The following GMCL1 variants were observed in gnomAD, a reference collection of about 807,000 sequenced individuals.
GMCL1 encodes germ cell-less 1, spermatogenesis associated.
A neutral mutation model predicts 75.5 loss-of-function variants in GMCL1; 54 were observed. That is an observed-to-expected ratio of 0.71 (90% confidence interval 0.57 to 0.90). GMCL1 has a LOEUF of 0.90. Among genes scored for constraint, GMCL1 ranks in the 40% least tolerant of loss-of-function variants. The probability of loss-of-function intolerance (pLI) is 0.00; values close to 1 mark genes in which losing one functional copy is unlikely to be tolerated. For synonymous variants in GMCL1, 210 were observed against 209.6 expected (o/e 1.00, Z -0.02); for missense variants, 537 against 622.7 (o/e 0.86, Z 1.47).
rs186019166 is a variant in GMCL1 at position 69,866,183 on chromosome 2, C to T, written c.1218+1208C>T. ...AGATTGCTTGAACTCGTAAGGCAGACGTTGCAGTGAGTCAAGATTGTGACA... is the reference window on the plus strand; with the variant it reads ...AGATTGCTTGAACTCGTAAGGCAGATGTTGCAGTGAGTCAAGATTGTGACA... On this transcript the variant is annotated intron_variant, in intron 11 of 13. Coordinates refer to ENST00000282570, the MANE Select transcript of GMCL1 (RefSeq NM_178439.5). 2.7e-5 allele frequency among the ~76,000 whole-genome samples: 4 copies of T among 150,534 alleles called. No homozygotes were observed. The East Asian group carries it at 5.9e-4, about 22-fold the overall frequency.
At chr2:69,835,096 A>G (rs1055249980) in intron 1 of GMCL1, among the ~76,000 whole-genome samples, 1 of 152,096 alleles carries the variant, frequency 6.6e-6, no homozygotes, top group Non-Finnish European at 1.5e-5. Context: ...TAGTCTTCTT[A>G]CTCAAAGAAG....
intron 10 of GMCL1, among the ~76,000 whole-genome samples, chr2:69,863,567 T>TC (rs1442479741): frequency 6.6e-6 from 1 of 152,218 alleles, no homozygotes; most frequent in African/African-American, 2.4e-5. Context: ...GTTAAGGGAT[T>TC]ATAGTATTGC....
At chr2:69,862,778 T>A (rs1481984183) in intron 10 of GMCL1, among the ~76,000 whole-genome samples, 1 of 151,960 alleles carries the variant, frequency 6.6e-6, no homozygotes, top group Non-Finnish European at 1.5e-5. Context: ...AAAAGATTGT[T>A]GAAATACAAA....
chr2:69,837,139 T>C (rs1674842144), intron 1 of GMCL1, among the ~76,000 whole-genome samples: 1 of 152,224 alleles, frequency 6.6e-6, no homozygotes, highest in Admixed American at 6.5e-5. Flanking sequence ...CATTTCCTAC[T>C]TGCAGATTAT....
At chr2:69,840,899 G>T in intron 3 of GMCL1, 43 bp from the exon 4 acceptor site, 22 of 1,276,950 alleles carry the variant, frequency 1.7e-5, no homozygotes, top group Non-Finnish European at 2.3e-5. Context: ...ACTTGTAATA[G>T]ATATAAATAT....
At chr2:69,858,913 C>T (rs761491883) in intron 9 of GMCL1, among the ~76,000 whole-genome samples, 12 of 151,478 alleles carry the variant, frequency 7.9e-5, no homozygotes, top group South Asian at 4.2e-4. Context: ...TTTGGAAGGC[C>T]GAGGCAGGTG....
chr2:69,829,678 G>A lies in GMCL1; in HGVS notation c.-215G>A, dbSNP rs889724329. 1 of 534,096 alleles carries A rather than the reference G, an allele frequency of 1.9e-6. No homozygotes were observed. The highest frequency in any genetic ancestry group is 3.2e-6 in the Non-Finnish European group (1 of 311,080). The allele number at this position is 534,096 out of a possible 1,614,324, so 33.1% of individuals were successfully genotyped here. A position where few individuals can be genotyped will look rare whatever the true frequency, so the allele number is the denominator to read the frequency against. On this transcript the variant is annotated 5_prime_UTR_variant, in exon 1 of 14. Coordinates refer to ENST00000282570, the MANE Select transcript of GMCL1 (RefSeq NM_178439.5). ...GTCCCGCGCTTTGTTGCGAAAGCGA[G>A]GGGGCGAGGTGCTGCGGTGCTAGAG...
intron 10 of GMCL1, among the ~76,000 whole-genome samples, chr2:69,861,960 C>G (rs952157446): frequency 6.6e-6 from 1 of 151,990 alleles, no homozygotes; most frequent in African/African-American, 2.4e-5. Context: ...CAAAATTGCT[C>G]CACTGCACTT....
intron 7 of GMCL1, among the ~76,000 whole-genome samples, chr2:69,849,377 C>T (rs1014076012): frequency 4.6e-5 from 7 of 151,888 alleles, no homozygotes; most frequent in African/African-American, 1.7e-4. Context: ...ACCATGTTTC[C>T]CAGGCTGGTC....
chr2:69,849,055 A>G (rs1369905955), intron 7 of GMCL1, among the ~76,000 whole-genome samples: 1 of 152,222 alleles, frequency 6.6e-6, no homozygotes, highest in African/African-American at 2.4e-5. Flanking sequence ...ATATACATAT[A>G]TATTAAACCT....
chr2:69,877,686 CAGAG>C (rs200998542), intron 13 of GMCL1, among the ~76,000 whole-genome samples: 12 of 134,900 alleles, frequency 8.9e-5, no homozygotes, highest in African/African-American at 1.1e-4. Flanking sequence ...TTCCCTCGTA[CAGAG>C]AGAGAGATTG....
chr2:69,848,041 A>G (rs571466165), intron 7 of GMCL1, among the ~76,000 whole-genome samples: 2 of 152,296 alleles, frequency 1.3e-5, no homozygotes, highest in East Asian at 3.9e-4. Flanking sequence ...TGTCTGGCAT[A>G]TGTTTTACTT....
chr2:69,849,609 G>T, intron 7 of GMCL1, 43 bp from the exon 8 acceptor site: 1 of 1,234,174 alleles, frequency 8.1e-7, no homozygotes, highest in South Asian at 1.4e-5. Context: ...ATAAAATGAT[G>T]AAATTTCATA....
At chr2:69,844,004 A>G (rs1558539700) in intron 5 of GMCL1, 127 bp from the exon 6 acceptor site, 6 of 461,154 alleles carry the variant, frequency 1.3e-5, no homozygotes, top group Admixed American at 4.2e-5. Flanking sequence ...TAAATTTCCT[A>G]TTGTTAAGCT....
At chr2:69,866,563 G>A (rs570429203) in intron 11 of GMCL1, among the ~76,000 whole-genome samples, 131 of 152,178 alleles carry the variant, frequency 8.6e-4, no homozygotes, top group African/African-American at 1.2e-3. Context: ...CAATGCTCTG[G>A]ACTAAAAGCA....
chr2:69,866,126 G>C (rs1324470021), intron 11 of GMCL1, among the ~76,000 whole-genome samples: 1 of 152,022 alleles, frequency 6.6e-6, no homozygotes, highest in Non-Finnish European at 1.5e-5. Flanking sequence ...GTGTATGCCT[G>C]TAGTCCTAGC....
intron 12 of GMCL1, 117 bp downstream of exon 12, chr2:69,869,981 A>G (rs1409285162): frequency 8.1e-6 from 8 of 992,128 alleles, no homozygotes; most frequent in Non-Finnish European, 1.0e-5. Flanking sequence ...TATATGTGGA[A>G]GTGGTAGGAA....
In GMCL1 at chr2:69,841,058, C is replaced by A. The variant is rs374059488; in HGVS notation, c.579+19C>A. The A allele has an allele frequency of 1.9e-6, 3 of 1,556,426 alleles. No individual in the cohort carries two copies. Among genetic ancestry groups the A allele is most frequent in the South Asian group, 1.1e-5 (1 of 89,228 alleles). ...GCAGTTGGTAAGTATGCACGTTATT[C>A]GAAGAAAGGTTCAGAATAATAATCT... On this transcript the variant is annotated intron_variant, in intron 4 of 13. Transcript: ENST00000282570.
chr2:69,846,271 A>G (rs1016748210), intron 6 of GMCL1, among the ~76,000 whole-genome samples: 1 of 152,174 alleles, frequency 6.6e-6, no homozygotes, highest in Non-Finnish European at 1.5e-5. Context: ...CTGCTTATCC[A>G]TGGGTTCTCC....
Sources: gnomAD v4.1 joint callset for allele counts (sites outside exome capture counted in the v4.1 genomes callset) on GRCh38, gnomAD v4.1.1 for gene constraint, MANE v1.5 for transcripts, NCBI Gene and HGNC (gene_info 2026-07-23, HGNC 2026-07-21) for gene names.